The following MPDZ variants were observed in gnomAD, a reference collection of about 807,000 sequenced individuals.
MPDZ encodes the protein multiple PDZ domain protein.
In MPDZ, 234 loss-of-function variants were observed where a neutral mutation model predicts 239.1. The observed-to-expected ratio is 0.98, with a 90% CI of 0.88 to 1.09. The LOEUF is 1.09. Ranked by LOEUF, MPDZ falls within the 50% of genes least tolerant of loss-of-function variation. The pLI, the probability that MPDZ is intolerant of heterozygous loss-of-function variation, is 0.00. For missense variants in MPDZ, 3,175 were observed against 2,510.0 expected (o/e 1.26, Z -5.66); for synonymous variants, 1,048 against 881.3 (o/e 1.19, Z -3.35).
intron 22 of MPDZ, among the ~76,000 whole-genome samples, chr9:13,166,546 C>T (rs1198984927): frequency 1.3e-5 from 2 of 152,044 alleles, no homozygotes; most frequent in Non-Finnish European, 1.5e-5. Context: ...TGTGTGTTTA[C>T]ATACACGAGA....
intron 38 of MPDZ, among the ~76,000 whole-genome samples, chr9:13,120,858 A>G (rs1482279231): frequency 6.6e-6 from 1 of 152,214 alleles, no homozygotes; most frequent in Non-Finnish European, 1.5e-5. Flanking sequence ...CTGAGGCCCA[A>G]GAAATGACAA....
chr9:13,231,006 T>C (rs1962266601), intron 3 of MPDZ, among the ~76,000 whole-genome samples: 1 of 151,842 alleles, frequency 6.6e-6, no homozygotes, highest in Non-Finnish European at 1.5e-5. Context: ...ATAACATATA[T>C]TGCAGCAAAA....
chr9:13,163,584 A>T (rs963461199), intron 22 of MPDZ, among the ~76,000 whole-genome samples: 11 of 152,162 alleles, frequency 7.2e-5, no homozygotes, highest in African/African-American at 2.7e-4. Flanking sequence ...TGCTTCTGAC[A>T]TGGTGGACAT....
At chr9:13,196,080 C>T (rs1452437477) in intron 13 of MPDZ, 41 bp downstream of exon 13, 5 of 1,337,824 alleles carry the variant, frequency 3.7e-6, no homozygotes, top group Non-Finnish European at 5.2e-6. Context: ...TGCTCAAATA[C>T]AGTTACAAGT....
chr9:13,272,034 G>C (rs915810044), intron 1 of MPDZ, among the ~76,000 whole-genome samples: 1 of 152,104 alleles, frequency 6.6e-6, no homozygotes, highest in Non-Finnish European at 1.5e-5. Flanking sequence ...GGAAACTTTC[G>C]GGGGTGATGG....
At chr9:13,119,379 C>T in intron 39 of MPDZ, 123 bp downstream of exon 39, 1 of 1,201,064 alleles carries the variant, frequency 8.3e-7, no homozygotes, top group Middle Eastern at 2.2e-4. Context: ...GCCATTGCAC[C>T]TGGCCTTGAG....
chr9:13,227,472 A>G (rs1240446238), intron 3 of MPDZ, among the ~76,000 whole-genome samples: 1 of 152,118 alleles, frequency 6.6e-6, no homozygotes, highest in African/African-American at 2.4e-5. Flanking sequence ...GAAATTTGTG[A>G]CAGCCTGAGG....
intron 43 of MPDZ, 99 bp from the exon 44 acceptor site, chr9:13,110,839 C>CT: frequency 1.4e-6 from 1 of 692,162 alleles, no homozygotes; most frequent in Non-Finnish European, 2.4e-6. Flanking sequence ...TTCCACATGA[C>CT]ATATATACTG....
intron 1 of MPDZ, among the ~76,000 whole-genome samples, chr9:13,260,866 C>G (rs1419821366): frequency 6.6e-6 from 1 of 152,170 alleles, no homozygotes; most frequent in Non-Finnish European, 1.5e-5. Flanking sequence ...TTACACCTTT[C>G]TAAACAATTT....
At position 13,108,995 on chromosome 9, in the gene MPDZ, C is replaced by A. The variant is rs1941957334; in HGVS notation, c.6007G>T (p.Gly2003Ter). The change falls in exon 46 of 47, where the codon GGA (glycine) becomes TGA (stop). Residue 2003 changes from glycine (G) to a stop codon, truncating the protein, a stop_gained. Transcript: ENST00000319217. LOFTEE classifies it high-confidence loss of function. The stretch of plus-strand genomic sequence containing the variant: ...TCTCCATGAGGGCTGCCATATCCTC[C>A]AACTATACTGAAGCCTAAGCCATCT... ...GPDGLGFSIV[G>*]GYGSPHGDLP... is the part of the protein sequence containing the mutation. The A allele has an allele frequency of 4.4e-6, 7 of 1,604,268 alleles. No homozygotes were observed. Among genetic ancestry groups the A allele is most frequent in the East Asian group, 4.5e-5 (2 of 44,532 alleles).
Position 13,190,152 on chromosome 9 carries a change from C to A in MPDZ, c.2116G>T (p.Gly706Trp). 6.2e-7 allele frequency: 1 copy of A among 1,613,198 alleles called. No individual in the cohort carries two copies. The highest frequency in any genetic ancestry group is 2.2e-5 in the East Asian group (1 of 44,720). The change falls in exon 16 of 47, where the codon GGG becomes TGG. Residue 706 changes from glycine to tryptophan, a missense_variant. Gly to Trp is a radical substitution (Grantham distance 184). Coordinates refer to ENST00000319217, the MANE Select transcript of MPDZ (RefSeq NM_001378778.1). Reference sequence around the variant, plus strand: ...ATGCTAAAACCAAGTCCTTTGCTCCCTTTCTCCAGCTCTATGTGCTGAATG... The same window carrying A: ...ATGCTAAAACCAAGTCCTTTGCTCCATTTCTCCAGCTCTATGTGCTGAATG... ...AGIQHIELEK[G>W]SKGLGFSILD...
At chr9:13,193,042 G>T in intron 14 of MPDZ, 125 bp downstream of exon 14, 1 of 923,560 alleles carries the variant, frequency 1.1e-6, no homozygotes, top group Non-Finnish European at 1.4e-6. Flanking sequence ...GTTTTTATCT[G>T]TAGATTTCTC....
chr9:13,116,329 T>C (rs1037351895), intron 39 of MPDZ, among the ~76,000 whole-genome samples: 1 of 152,224 alleles, frequency 6.6e-6, no homozygotes, highest in African/African-American at 2.4e-5. Flanking sequence ...TCTTTTACTC[T>C]GAATTTTAAA....
chr9:13,224,522 G>T lies in MPDZ; in HGVS notation c.245C>A (p.Pro82Gln). Residue 82 changes from proline (P) to glutamine (Q), a missense_variant, in exon 4 of 47, where the codon CCA becomes CAA. Physicochemically the swap from Pro to Gln is moderately conservative, Grantham distance 76. Transcript: ENST00000319217. ...IEYAHVPHLSPAVIPTLQNES... is the reference protein window; with the variant it reads ...IEYAHVPHLSQAVIPTLQNES... ...ATTTTGCAGAGTAGGAATCACAGCT[G>T]GGCTGAGATGAGGAACGTGGGCATA... 3.7e-6 allele frequency: 6 copies of T among 1,612,652 alleles called. No homozygotes were observed. Among genetic ancestry groups the T allele is most frequent in the Non-Finnish European group, 5.1e-6 (6 of 1,179,166 alleles).
chr9:13,120,510 T>C (rs975620862), intron 38 of MPDZ: 6 of 152,186 alleles, frequency 3.9e-5, no homozygotes, highest in African/African-American at 1.4e-4. Context: ...ATAGTAGCCA[T>C]GTTACCCATG....
At position 13,126,746 on chromosome 9, in the gene MPDZ, G is replaced by A. The variant is rs1945182890; in HGVS notation, c.4491C>T (p.Ile1497=). 16 of 1,613,730 alleles carry A rather than the reference G, an allele frequency of 9.9e-6. No homozygotes were observed. Among genetic ancestry groups the A allele is most frequent in the Non-Finnish European group, 1.4e-5 (16 of 1,179,830 alleles). Residue 1497 remains isoleucine (I), a synonymous_variant, in exon 33 of 47, where the codon ATC becomes ATT. Coordinates refer to ENST00000319217, the MANE Select transcript of MPDZ (RefSeq NM_001378778.1). The part of the protein sequence containing the change: ...PKDQGGLGIA[I]SEEDTLSGVI... Reference sequence around the variant, plus strand: ...CTCCACTGAGTGTATCTTCTTCGCTGATAGCAATACCCAAACCCCCCTGAT... The same window carrying A: ...CTCCACTGAGTGTATCTTCTTCGCTAATAGCAATACCCAAACCCCCCTGAT...
At chr9:13,137,836 T>C (rs910243805) in intron 29 of MPDZ, 121 bp downstream of exon 29, 11 of 1,055,794 alleles carry the variant, frequency 1.0e-5, no homozygotes, top group Admixed American at 2.6e-5. Context: ...AATGCATCTA[T>C]TTTATTAAGC....
chr9:13,142,575 C>G (rs1947866552), intron 27 of MPDZ, among the ~76,000 whole-genome samples: 1 of 152,096 alleles, frequency 6.6e-6, no homozygotes, highest in African/African-American at 2.4e-5. Flanking sequence ...GTACAGCACA[C>G]ACATAAAGCA....
rs759126992 is a variant in MPDZ, at chr9:13,168,417, G to T, written c.3203C>A (p.Ala1068Asp). ...NEESTISVTN[A>D]QARAMLRRHS... ...TCTTCTCAACATAGCTCGTGCCTGG[G>T]CATTGGTTACACTGATGGTAGACTC... Residue 1068 changes from alanine to aspartate, a missense_variant, in exon 22 of 47, where the codon GCC becomes GAC. By Grantham distance (126) the Ala-to-Asp change is moderately radical (BLOSUM62 -2). Coordinates refer to ENST00000319217, the MANE Select transcript of MPDZ (RefSeq NM_001378778.1). 3.7e-6 allele frequency: 6 copies of T among 1,613,506 alleles called. No individual in the cohort carries two copies. In the Middle Eastern group the frequency reaches 5.0e-4, roughly 133 times the overall value.
Sources: allele counts gnomAD v4.1 joint callset (sites outside exome capture counted in the v4.1 genomes callset), GRCh38; gene constraint gnomAD v4.1.1; transcripts MANE v1.5; gene names NCBI Gene and HGNC (gene_info 2026-07-23, HGNC 2026-07-21).